The following MET variants were observed in gnomAD, a reference collection of about 807,000 sequenced individuals.
MET encodes hepatocyte growth factor receptor.
A neutral mutation model predicts 133.1 loss-of-function variants in MET; 48 were observed. The ratio of observed to expected loss-of-function variants is 0.36; its 90% CI spans 0.29 to 0.46. The LOEUF is 0.46. Ranked by LOEUF, MET falls within the 20% of genes least tolerant of loss-of-function variation. The pLI is 1.00. For synonymous variants in MET, 628 were observed against 616.5 expected (o/e 1.02, Z -0.28); for missense variants, 1,442 against 1,695.9 (o/e 0.85, Z 2.63).
chr7:116,683,619 CCATT>C (rs1173717037), intron 1 of MET, among the ~76,000 whole-genome samples: 1 of 152,060 alleles, frequency 6.6e-6, no homozygotes, highest in African/African-American at 2.4e-5. Context: ...TTCTTCATTC[CCATT>C]CATTCTTAAG....
At chr7:116,749,586 A>G (rs1486811946) in intron 5 of MET, among the ~76,000 whole-genome samples, 3 of 152,338 alleles carry the variant, frequency 2.0e-5, no homozygotes, top group Non-Finnish European at 2.9e-5. Flanking sequence ...CCTATTCAAC[A>G]TAACATTGGA....
chr7:116,699,265 C>G lies in MET; in HGVS notation c.181C>G (p.His61Asp), dbSNP rs368942722. 1 of 1,614,004 alleles carries G rather than the reference C, an allele frequency of 6.2e-7. No individual in the cohort carries two copies. Residue 61 changes from histidine to aspartate, a missense_variant, in exon 2 of 21, where the codon CAC becomes GAC. Around this residue, in one of 6 missense-constraint regions of MET, gnomAD observed 762 missense variants for 792.4 expected, o/e 0.96. Transcript: ENST00000397752. Reference sequence around the variant, plus strand: ...CCAGAATGTCATTCTACATGAGCATCACATTTTCCTTGGTGCCACTAACTA... The same window carrying G: ...CCAGAATGTCATTCTACATGAGCATGACATTTTCCTTGGTGCCACTAACTA... ...PIQNVILHEH[H>D]IFLGATNYIY...
At chr7:116,695,799 G>A (rs1225594603) in intron 1 of MET, 2 of 490,062 alleles carry the variant, frequency 4.1e-6, no homozygotes, top group African/African-American at 2.0e-5. Context: ...CTTCCCATAT[G>A]GTAAGCACTC....
Position 116,797,446 on chromosome 7 carries a change from A to G in MET, c.*1322A>G, listed in dbSNP as rs545938651. 2.2e-5 allele frequency: 5 copies of G among 228,466 alleles called. No individual in the cohort carries two copies. In the East Asian group the frequency reaches 3.1e-4, roughly 14 times the overall value. The allele number at this position is 228,466 out of a possible 1,614,324, so 14.2% of individuals were successfully genotyped here. ...TTTTATGTTAAGCAAAACATACTTT[A>G]GAAACAAATGAAAAAGGCAATTGAA... On this transcript the variant is annotated 3_prime_UTR_variant, in exon 21 of 21. Transcript: ENST00000397752.
intron 17 of MET, among the ~76,000 whole-genome samples, 191 bp from the exon 18 acceptor site, chr7:116,781,797 C>G (rs1795162118): frequency 6.6e-6 from 1 of 152,212 alleles, no homozygotes; most frequent in African/African-American, 2.4e-5. Flanking sequence ...AGGCTGATCT[C>G]AAACTCCTGG....
intron 5 of MET, among the ~76,000 whole-genome samples, chr7:116,744,067 C>T (rs1009604581): frequency 4.6e-5 from 7 of 152,024 alleles, no homozygotes; most frequent in African/African-American, 9.7e-5. Context: ...TTGATAAATC[C>T]ATGAAGATGA....
Position 116,755,368 on chromosome 7 carries a change from G to A in MET, c.1715G>A (p.Ser572Asn), listed in dbSNP as rs199771406. 3.2e-4 allele frequency: 522 copies of A among 1,613,998 alleles called. 2 individuals are homozygous for A. The African/African-American group carries it at 6.1e-3, about 19-fold the overall frequency. ...LPAIYKVFPN[S>N]APLEGGTRLT... The stretch of plus-strand genomic sequence containing the variant: ...TTGTCCTTGTAGGTTTTCCCAAATA[G>A]TGCACCCCTTGAAGGAGGGACAAGG... The change falls in exon 6 of 21, where the codon AGT becomes AAT. Residue 572 changes from serine to asparagine, a missense_variant. Physicochemically the swap from Ser to Asn is conservative, Grantham distance 46. Transcript: ENST00000397752.
intron 3 of MET, among the ~76,000 whole-genome samples, chr7:116,733,930 C>T (rs1584916231): frequency 6.6e-6 from 1 of 152,164 alleles, no homozygotes; most frequent in Middle Eastern, 3.4e-3. Flanking sequence ...CTGACGCTTG[C>T]CTAAGAGAAT....
At chr7:116,754,983 G>GAAA (rs778450148) in intron 5 of MET, among the ~76,000 whole-genome samples, 44 of 78,482 alleles carry the variant, frequency 5.6e-4, no homozygotes, top group Admixed American at 1.6e-3. Context: ...AGCAGAGAAA[G>GAAA]GAAAGAAAGA....
chr7:116,781,856 G>A (rs1243877215), intron 17 of MET, 132 bp from the exon 18 acceptor site: 2 of 690,544 alleles, frequency 2.9e-6, no homozygotes, highest in African/African-American at 3.6e-5. Flanking sequence ...GGGATTACAG[G>A]CTTGAGCCAT....
At position 116,797,167 on chromosome 7, in the gene MET, GTGTATTTTTT is replaced by G. The variant is rs1795703252; in HGVS notation, c.*1045_*1054del. 1 of 202,440 alleles carries G rather than the reference GTGTATTTTTT, an allele frequency of 4.9e-6. No homozygotes were observed. The highest frequency in any genetic ancestry group is 1.0e-5 in the Non-Finnish European group (1 of 98,582). The allele number at this position is 202,440 out of a possible 1,614,324, so 12.5% of individuals were successfully genotyped here. A position where few individuals can be genotyped will look rare whatever the true frequency, so the allele number is the denominator to read the frequency against. On this transcript the variant is annotated 3_prime_UTR_variant, in exon 21 of 21. Transcript: ENST00000397752. The stretch of plus-strand genomic sequence containing the variant: ...GAATGTGAACATGTAGATGTTTTGT[GTGTATTTTTT>G]TAAATGAAAACTCAAAATAAGACAA...
At chr7:116,752,232 C>A (rs1793951996) in intron 5 of MET, among the ~76,000 whole-genome samples, 1 of 152,022 alleles carries the variant, frequency 6.6e-6, no homozygotes, top group African/African-American at 2.4e-5. Context: ...AAAGGAGACC[C>A]CTTTTGGAGT....
rs556541308 is a variant in MET, at chr7:116,689,116, T to C, written c.-14-9955T>C. On this transcript the variant is annotated intron_variant, in intron 1 of 20. Coordinates refer to ENST00000397752, the MANE Select transcript of MET (RefSeq NM_000245.4). ...CCTTTTCTGTTTCAGAAATTTCATG[T>C]AAATGACAGGCTGCCACATACAGTA... Among the ~76,000 whole-genome samples the C allele has an allele frequency of 4.7e-4, 72 of 152,312 alleles. 1 individual carries two copies. In the South Asian group the frequency reaches 0.015, roughly 31 times the overall value.
chr7:116,705,050 G>A (rs917875206), intron 2 of MET, among the ~76,000 whole-genome samples: 3 of 152,010 alleles, frequency 2.0e-5, no homozygotes, highest in Non-Finnish European at 4.4e-5. Flanking sequence ...AAGGAAGAAA[G>A]CAAAGTGATT....
intron 5 of MET, among the ~76,000 whole-genome samples, chr7:116,754,907 GAA>G (rs1415684928): frequency 9.6e-6 from 1 of 103,808 alleles, no homozygotes; most frequent in African/African-American, 3.1e-5. Context: ...AAGAAAGAAA[GAA>G]AGAAAGAAAG....
At chr7:116,674,601 A>G (rs1158614455) in intron 1 of MET, among the ~76,000 whole-genome samples, 2 of 152,234 alleles carry the variant, frequency 1.3e-5, no homozygotes, top group Admixed American at 6.5e-5. Context: ...AACAACGTGA[A>G]TAACTCAGAG....
At chr7:116,701,133 C>T (rs1298035495) in intron 2 of MET, among the ~76,000 whole-genome samples, 1 of 152,136 alleles carries the variant, frequency 6.6e-6, no homozygotes, top group African/African-American at 2.4e-5. Context: ...CAGCTACCAG[C>T]TATACCTGGA....
chr7:116,690,512 C>T (rs1231805025), intron 1 of MET, among the ~76,000 whole-genome samples: 1 of 152,196 alleles, frequency 6.6e-6, no homozygotes, highest in East Asian at 1.9e-4. Context: ...CCTGTCCCTT[C>T]GATTCACTGT....
At chr7:116,703,583 A>G (rs1192840592) in intron 2 of MET, among the ~76,000 whole-genome samples, 2 of 152,160 alleles carry the variant, frequency 1.3e-5, no homozygotes, top group African/African-American at 4.8e-5. Flanking sequence ...GATAAGCAGT[A>G]GCAAAAATTT....
Sources: gnomAD v4.1 joint callset for allele counts (sites outside exome capture counted in the v4.1 genomes callset) on GRCh38, gnomAD v4.1.1 for gene constraint, gnomAD v4.1.1 regional missense constraint, MANE v1.5 for transcripts, NCBI Gene and HGNC (gene_info 2026-07-23, HGNC 2026-07-21) for gene names.